MED28: variants seen among roughly 807,000 people sequenced by gnomAD.
MED28 encodes mediator of RNA polymerase II transcription subunit 28.
In MED28, 26 loss-of-function variants were observed where a neutral mutation model predicts 21.3. The ratio of observed to expected loss-of-function variants is 1.22; its 90% CI spans 0.89 to 1.69. MED28 has a LOEUF of 1.69. MED28 is among the 40% of genes most tolerant of loss of function. The pLI is 0.00. For synonymous variants in MED28, 110 were observed against 87.6 expected (o/e 1.26, Z -1.43); for missense variants, 257 against 215.4 (o/e 1.19, Z -1.21).
At position 17,632,389 on chromosome 4, in the gene MED28, G is replaced by A. The variant is rs1322284005; in HGVS notation, c.*8591G>A. 8 of 637,618 alleles carry A rather than the reference G, an allele frequency of 1.3e-5. No individual in the cohort carries two copies. The highest frequency in any genetic ancestry group is 1.8e-5 in the Non-Finnish European group (7 of 379,950). 39.5% of individuals were successfully genotyped at this position (637,618 alleles called of 1,614,324 possible). A position where few individuals can be genotyped will look rare whatever the true frequency, so the allele number is the denominator to read the frequency against. On this transcript the variant is annotated 3_prime_UTR_variant, in exon 4 of 4. Coordinates refer to ENST00000237380, the MANE Select transcript of MED28 (RefSeq NM_025205.5). Reference sequence around the variant, plus strand: ...TGTGCCTGGCAGAACAGTATGAAGTGTTAACGCCAAAATTTGTTTTAGCTA... The same window carrying A: ...TGTGCCTGGCAGAACAGTATGAAGTATTAACGCCAAAATTTGTTTTAGCTA...
At chr4:17,619,165 A>T (rs1714544864) in intron 1 of MED28, among the ~76,000 whole-genome samples, 1 of 152,116 alleles carries the variant, frequency 6.6e-6, no homozygotes, top group Non-Finnish European at 1.5e-5. Flanking sequence ...ATTTCCTTAG[A>T]GTTGCTTGTG....
At position 17,623,984 on chromosome 4, in the gene MED28, C is replaced by G. The variant is rs1240641545; in HGVS notation, c.*186C>G. On this transcript the variant is annotated 3_prime_UTR_variant, in exon 4 of 4. Coordinates refer to ENST00000237380, the MANE Select transcript of MED28 (RefSeq NM_025205.5). Reference sequence around the variant, plus strand: ...TGTTAATTTCTTGAGTACTTTATAACATGTCTGTAGCTTGGATAAACCAAG... The same window carrying G: ...TGTTAATTTCTTGAGTACTTTATAAGATGTCTGTAGCTTGGATAAACCAAG... 2 of 641,886 alleles carry G rather than the reference C, an allele frequency of 3.1e-6. No homozygotes were observed. The highest frequency in any genetic ancestry group is 5.4e-6 in the Non-Finnish European group (2 of 368,868). The allele number at this position is 641,886 out of a possible 1,614,324, so 39.8% of individuals were successfully genotyped here. A position where few individuals can be genotyped will look rare whatever the true frequency, so the allele number is the denominator to read the frequency against.
intron 2 of MED28, chr4:17,620,183 A>G: frequency 1.8e-6 from 1 of 555,658 alleles, no homozygotes; most frequent in Non-Finnish European, 3.2e-6. Context: ...AACTTTTCGT[A>G]TTCGTACTAG....
rs1196844336 is a variant in MED28 at position 17,632,439 on chromosome 4, A to G, written c.*8641A>G. 6 of 1,038,102 alleles carry G rather than the reference A, an allele frequency of 5.8e-6. No homozygotes were observed. Among genetic ancestry groups the G allele is most frequent in the Non-Finnish European group, 7.0e-6 (5 of 709,522 alleles). The allele number at this position is 1,038,102 out of a possible 1,614,324, so 64.3% of individuals were successfully genotyped here. A position where few individuals can be genotyped will look rare whatever the true frequency, so the allele number is the denominator to read the frequency against. ...ATCATATATAAATCATAAGCATATT[A>G]TTTGGTTGGTTGGTGTTAGTTCATT... On this transcript the variant is annotated 3_prime_UTR_variant, in exon 4 of 4. Transcript: ENST00000237380.
rs916494153 is a variant in MED28 at position 17,630,831 on chromosome 4, A to G, written c.*7033A>G. The G allele has an allele frequency of 3.3e-5, 5 of 151,614 alleles. No individual in the cohort carries two copies. In the South Asian group the frequency reaches 8.3e-4, roughly 25 times the overall value. 9.4% of individuals were successfully genotyped at this position (151,614 alleles called of 1,614,324 possible). On this transcript the variant is annotated 3_prime_UTR_variant, in exon 4 of 4. Coordinates refer to ENST00000237380, the MANE Select transcript of MED28 (RefSeq NM_025205.5). ...GAGGTTAATGTGAACTGAACTTTCT[A>G]TTTCTAAGCTGTCTTCATCTAATTT...
Position 17,629,810 on chromosome 4 carries a change from A to G in MED28, c.*6012A>G, listed in dbSNP as rs916155122. On this transcript the variant is annotated 3_prime_UTR_variant, in exon 4 of 4. Transcript: ENST00000237380. ...TCTATCAAATTGTATTTCTTTGTCA[A>G]TAGTGTTAGGGCACAGTAGGTTCAT... is the stretch of plus-strand genomic sequence containing the variant. The G allele has an allele frequency of 4.6e-5, 7 of 152,190 alleles. No individual in the cohort carries two copies. The highest frequency in any genetic ancestry group is 2.1e-4 in the South Asian group (1 of 4,834). 9.4% of individuals were successfully genotyped at this position (152,190 alleles called of 1,614,324 possible). A position where few individuals can be genotyped will look rare whatever the true frequency, so the allele number is the denominator to read the frequency against.
chr4:17,632,277 A>T lies in MED28; in HGVS notation c.*8479A>T, dbSNP rs566398609. Reference sequence around the variant, plus strand: ...TTTTGTAGAGATGGGGTTTCACCATATTGGCCAGGCTGGTCTCAAATTCCT... The same window carrying T: ...TTTTGTAGAGATGGGGTTTCACCATTTTGGCCAGGCTGGTCTCAAATTCCT... On this transcript the variant is annotated 3_prime_UTR_variant, in exon 4 of 4. Transcript: ENST00000237380. 2 of 264,022 alleles carry T rather than the reference A, an allele frequency of 7.6e-6. No homozygotes were observed. The highest frequency in any genetic ancestry group is 1.5e-4 in the East Asian group (2 of 13,256). 16.4% of individuals were successfully genotyped at this position (264,022 alleles called of 1,614,324 possible). A position where few individuals can be genotyped will look rare whatever the true frequency, so the allele number is the denominator to read the frequency against.
chr4:17,633,407 C>A lies in MED28; in HGVS notation c.*9609C>A, dbSNP rs1337147441. On this transcript the variant is annotated 3_prime_UTR_variant, in exon 4 of 4. Transcript: ENST00000237380. ...TGCTGTATTATCTTAATTTTAAAGG[C>A]AAGGTATATGGAGACCTGGAGAGGT... 7.2e-6 allele frequency: 2 copies of A among 277,072 alleles called. No individual in the cohort carries two copies. Among genetic ancestry groups the A allele is most frequent in the Non-Finnish European group, 1.3e-5 (2 of 150,068 alleles). The allele number at this position is 277,072 out of a possible 1,614,324, so 17.2% of individuals were successfully genotyped here. A position where few individuals can be genotyped will look rare whatever the true frequency, so the allele number is the denominator to read the frequency against.
chr4:17,618,673 T>C (rs1338086469), intron 1 of MED28, among the ~76,000 whole-genome samples: 1 of 151,986 alleles, frequency 6.6e-6, no homozygotes, highest in East Asian at 1.9e-4. Flanking sequence ...CGTGCCACCA[T>C]GCCCAGCTAA....
rs1211402391 is a variant in MED28 at position 17,631,041 on chromosome 4, A to T, written c.*7243A>T. On this transcript the variant is annotated 3_prime_UTR_variant, in exon 4 of 4. Coordinates refer to ENST00000237380, the MANE Select transcript of MED28 (RefSeq NM_025205.5). ...TAAAAGTTGTTATTGAGTCTTGTCA[A>T]ATCACATTGCTCTGTCAGAAGGTAA... 6.6e-6 allele frequency: 1 copy of T among 152,196 alleles called. No homozygotes were observed. Among genetic ancestry groups the T allele is most frequent in the South Asian group, 2.1e-4 (1 of 4,834 alleles). 9.4% of individuals were successfully genotyped at this position (152,196 alleles called of 1,614,324 possible). A position where few individuals can be genotyped will look rare whatever the true frequency, so the allele number is the denominator to read the frequency against.
Position 17,630,543 on chromosome 4 carries a change from T to G in MED28, c.*6745T>G, listed in dbSNP as rs1714895895. ...AGCCTCTAGGACTGTGAGTGACATA[T>G]TTCTATTGTTTATAAATTATCCAGT... On this transcript the variant is annotated 3_prime_UTR_variant, in exon 4 of 4. Coordinates refer to ENST00000237380, the MANE Select transcript of MED28 (RefSeq NM_025205.5). The G allele has an allele frequency of 2.0e-5, 3 of 152,210 alleles. No homozygotes were observed. The South Asian group carries it at 6.2e-4, about 32-fold the overall frequency. 9.4% of individuals were successfully genotyped at this position (152,210 alleles called of 1,614,324 possible).
At chr4:17,620,862 G>A (rs1426543782) in intron 2 of MED28, among the ~76,000 whole-genome samples, 1 of 151,574 alleles carries the variant, frequency 6.6e-6, no homozygotes, top group African/African-American at 2.4e-5. Context: ...CACCACATTT[G>A]GCTAATTTTT....
rs1577234057 is a variant in MED28, at chr4:17,624,861, A to T, written c.*1063A>T. On this transcript the variant is annotated 3_prime_UTR_variant, in exon 4 of 4. Transcript: ENST00000237380. The stretch of plus-strand genomic sequence containing the variant: ...TCGTTAGTTTTGTGGGCAGCCTCAG[A>T]TTCCCTGTTGAGTTGCTGTTAAGAA... 4 of 152,214 alleles carry T rather than the reference A, an allele frequency of 2.6e-5. No individual in the cohort carries two copies. The East Asian group carries it at 7.7e-4, about 29-fold the overall frequency. The allele number at this position is 152,214 out of a possible 1,614,324, so 9.4% of individuals were successfully genotyped here. A position where few individuals can be genotyped will look rare whatever the true frequency, so the allele number is the denominator to read the frequency against.
rs367790589 is a variant in MED28 at position 17,617,998 on chromosome 4, T to A, written c.160-1903T>A. 4.8e-5 allele frequency among the ~76,000 whole-genome samples: 7 copies of A among 144,360 alleles called. No homozygotes were observed. In the South Asian group the frequency reaches 1.3e-3, roughly 27 times the overall value. The allele number at this position is 144,360 out of a possible 152,430, so 94.7% of individuals were successfully genotyped here. ...TCTATAAAGGCCTGTGTATCTTTTT[T>A]TTTTCTTTTCTTTTCTTTTTTTTTT... is the stretch of plus-strand genomic sequence containing the variant. On this transcript the variant is annotated intron_variant, in intron 1 of 3. Coordinates refer to ENST00000237380, the MANE Select transcript of MED28 (RefSeq NM_025205.5).
chr4:17,618,175 C>G (rs1714510078), intron 1 of MED28, among the ~76,000 whole-genome samples: 1 of 151,876 alleles, frequency 6.6e-6, no homozygotes, highest in African/African-American at 2.4e-5. Flanking sequence ...CTACGCCTGA[C>G]TAATTTTTGT....
At chr4:17,615,522 C>T (rs1714422579) in intron 1 of MED28, among the ~76,000 whole-genome samples, 1 of 152,286 alleles carries the variant, frequency 6.6e-6, no homozygotes, top group African/African-American at 2.4e-5. Flanking sequence ...CATTTTAAAT[C>T]CCAGTTTTGC....
Position 17,621,647 on chromosome 4 carries a change from T to TA in MED28, c.288dup (p.Gln97ThrfsTer25). 2 of 1,611,358 alleles carry TA rather than the reference T, an allele frequency of 1.2e-6. No individual in the cohort carries two copies. Among genetic ancestry groups the TA allele is most frequent in the Middle Eastern group, 1.7e-4 (1 of 6,060 alleles). ...GCAAGACAGACAGAATGTTTTTTCT[T>TA]ACAAAAAAGATTGCAGTTATCTGTC... On this transcript the variant is annotated frameshift_variant, in exon 3 of 4. Coordinates refer to ENST00000237380, the MANE Select transcript of MED28 (RefSeq NM_025205.5). LOFTEE classifies it high-confidence loss of function.
Position 17,623,806 on chromosome 4 carries a change from G to A in MED28, c.*8G>A, listed in dbSNP as rs769532993. 6.8e-6 allele frequency: 11 copies of A among 1,611,154 alleles called. No homozygotes were observed. The highest frequency in any genetic ancestry group is 2.7e-5 in the African/African-American group (2 of 74,900). On this transcript the variant is annotated 3_prime_UTR_variant, in exon 4 of 4. Transcript: ENST00000237380. ...CCTCTGAAGCCAACGTGAGCAAAGGGCAGAGGCAGTTGGCCTATGAGTGGG... is the reference window on the plus strand; with the variant it reads ...CCTCTGAAGCCAACGTGAGCAAAGGACAGAGGCAGTTGGCCTATGAGTGGG...
At position 17,623,580 on chromosome 4, in the gene MED28, G is replaced by A. The variant is rs74573488; in HGVS notation, c.340-21G>A. The A allele has an allele frequency of 8.7e-4, 1,409 of 1,611,870 alleles. 21 individuals are homozygous for A. In the East Asian group the frequency reaches 0.027, roughly 31 times the overall value. On this transcript the variant is annotated intron_variant, in intron 3 of 3. Transcript: ENST00000237380. ...TTTTTCCTGCATTTGCTCTGACTTA[G>A]TCCATGACTTTCATCTGCAGGATGT... is the stretch of plus-strand genomic sequence containing the variant.
Sources: gnomAD v4.1 joint callset for allele counts (sites outside exome capture counted in the v4.1 genomes callset) on GRCh38, gnomAD v4.1.1 for gene constraint, MANE v1.5 for transcripts, NCBI Gene and HGNC (gene_info 2026-07-23, HGNC 2026-07-21) for gene names.